Variants in GPR55 observed in about 807,000 individuals in gnomAD.
The protein encoded by GPR55 is G protein-coupled receptor 55.
A neutral mutation model predicts 7.9 loss-of-function variants in GPR55; 6 were observed. The ratio of observed to expected loss-of-function variants is 0.76; its 90% CI spans 0.41 to 1.49. The LOEUF (loss-of-function observed/expected upper bound fraction) is 1.49, where lower values mean the gene tolerates loss of function less well. Ranked by LOEUF, GPR55 falls within the 40% of genes most tolerant of loss-of-function variation. The probability of loss-of-function intolerance (pLI) is 0.01; values close to 1 mark genes in which losing one functional copy is unlikely to be tolerated. For missense variants in GPR55, 376 were observed against 406.0 expected (o/e 0.93, Z 0.63); for synonymous variants, 183 against 166.8 (o/e 1.10, Z -0.75).
At position 230,933,595 on chromosome 2, in the gene GPR55, T is replaced by A. The variant is rs114176980; in HGVS notation, c.-134-22499A>T. 3.8e-3 allele frequency among the ~76,000 whole-genome samples: 583 copies of A among 152,346 alleles called. 1 individual carries two copies. Among genetic ancestry groups the A allele is most frequent in the African/African-American group, 0.013 (549 of 41,580 alleles). ...AAGAAACTAGAGCAACCTCCTTTCA[T>A]GTCCACCCTCAGTCCCCTTAGGCTT... On this transcript the variant is annotated intron_variant, in intron 1 of 1. Coordinates refer to the GPR55 transcript ENST00000392039.
intron 1 of GPR55, among the ~76,000 whole-genome samples, chr2:230,938,685 C>A (rs1322496907): frequency 3.9e-5 from 6 of 152,226 alleles, no homozygotes; most frequent in Non-Finnish European, 7.3e-5. Context: ...GCGGGCAGGG[C>A]AAGGCTGGAG....
chr2:230,958,591 CCTAA>C (rs1327123537), intron 1 of GPR55, among the ~76,000 whole-genome samples: 2 of 152,208 alleles, frequency 1.3e-5, no homozygotes, highest in Admixed American at 6.5e-5. Context: ...TGGTAACCAT[CCTAA>C]CTGTCTACCT....
At chr2:230,953,580 C>T (rs2125070926) in intron 1 of GPR55, among the ~76,000 whole-genome samples, 2 of 152,268 alleles carry the variant, frequency 1.3e-5, no homozygotes, top group Middle Eastern at 6.8e-3. Flanking sequence ...TTGTGTTGGG[C>T]TTCTAACCTA....
chr2:230,948,606 G>A (rs565215747), intron 1 of GPR55, among the ~76,000 whole-genome samples: 7 of 152,208 alleles, frequency 4.6e-5, no homozygotes, highest in Admixed American at 1.3e-4. Context: ...TATATAATTC[G>A]GATTTTTTCA....
chr2:230,921,744 C>A (rs1368770325), intron 1 of GPR55, among the ~76,000 whole-genome samples: 2 of 152,124 alleles, frequency 1.3e-5, no homozygotes, highest in Non-Finnish European at 1.5e-5. Flanking sequence ...TGGGAGTGAC[C>A]ATGGCCAATG....
chr2:230,941,503 C>T (rs1306055239), intron 1 of GPR55, among the ~76,000 whole-genome samples: 1 of 152,218 alleles, frequency 6.6e-6, no homozygotes, highest in East Asian at 1.9e-4. Flanking sequence ...AGCTGTGTGC[C>T]CACCACTTCC....
In GPR55 at chr2:230,909,955, C is replaced by T. The variant is rs779975280; in HGVS notation, c.*48G>A. 2 of 1,562,954 alleles carry T rather than the reference C, an allele frequency of 1.3e-6. No individual in the cohort carries two copies. The highest frequency in any genetic ancestry group is 2.7e-5 in the African/African-American group (2 of 73,108). ...AACCCTGGAACGCGATATCCGTTAC[C>T]AGAATTCAGGGCCAGGGCTTTCTTC... is the stretch of plus-strand genomic sequence containing the variant. On this transcript the variant is annotated 3_prime_UTR_variant, in exon 2 of 2. Transcript: ENST00000650999.
At chr2:230,938,684 G>A (rs1347692857) in intron 1 of GPR55, among the ~76,000 whole-genome samples, 1 of 152,216 alleles carries the variant, frequency 6.6e-6, no homozygotes, top group Non-Finnish European at 1.5e-5. Flanking sequence ...AGCGGGCAGG[G>A]CAAGGCTGGA....
intron 1 of GPR55, among the ~76,000 whole-genome samples, chr2:230,932,723 A>C (rs1188847433): frequency 6.6e-6 from 1 of 152,052 alleles, no homozygotes; most frequent in Non-Finnish European, 1.5e-5. Context: ...GTCATCCTAA[A>C]CCAGGCCTCT....
In GPR55 at chr2:230,924,446, C is replaced by T. The variant is rs1690904352; in HGVS notation, c.-135+722G>A. ...CTCTCAGGGAAGAATCTAGAATGTT[C>T]AGGGTTCTAAGTGCTGCTGTGTCTT... On this transcript the variant is annotated intron_variant, in intron 1 of 1. Transcript: ENST00000650999. This position sits in a 1 kb window ranked among gnomAD's most constrained non-coding sequence, Gnocchi z 4.5. 1 of 152,252 alleles carries T rather than the reference C, an allele frequency of 6.6e-6. No individual in the cohort carries two copies. Among genetic ancestry groups the T allele is most frequent in the Admixed American group, 6.5e-5 (1 of 15,280 alleles). 9.4% of individuals were successfully genotyped at this position (152,252 alleles called of 1,614,324 possible). A position where few individuals can be genotyped will look rare whatever the true frequency, so the allele number is the denominator to read the frequency against.
intron 1 of GPR55, among the ~76,000 whole-genome samples, chr2:230,933,316 C>A (rs577249636): frequency 1.1e-4 from 17 of 152,316 alleles, no homozygotes; most frequent in African/African-American, 4.1e-4. Context: ...TGCCCCATCT[C>A]CCTCCCATCC....
chr2:230,960,726 C>T (rs1691554302), intron 1 of GPR55: 1 of 152,040 alleles, frequency 6.6e-6, no homozygotes. Flanking sequence ...GGCAAAGCAC[C>T]CACCCTAAAA....
intron 1 of GPR55, among the ~76,000 whole-genome samples, chr2:230,936,478 G>T (rs1691134300): frequency 2.0e-5 from 3 of 152,168 alleles, no homozygotes; most frequent in Admixed American, 6.5e-5. Flanking sequence ...GGACATGTTT[G>T]CTTCCCCTTC....
chr2:230,951,701 T>C (rs1024611224), intron 1 of GPR55, among the ~76,000 whole-genome samples: 2 of 152,126 alleles, frequency 1.3e-5, no homozygotes, highest in African/African-American at 4.8e-5. Flanking sequence ...GGGATTTTTT[T>C]CCCTTTCATT....
intron 1 of GPR55, among the ~76,000 whole-genome samples, chr2:230,952,214 G>A (rs1309626754): frequency 9.9e-5 from 15 of 152,250 alleles, no homozygotes; most frequent in South Asian, 2.1e-4. Context: ...GCCTGAGGGC[G>A]GGCGCAGCTT....
chr2:230,940,185 A>G (rs1691203302), intron 1 of GPR55, among the ~76,000 whole-genome samples: 1 of 152,078 alleles, frequency 6.6e-6, no homozygotes, highest in Admixed American at 6.5e-5. Flanking sequence ...ACCAGAGCCC[A>G]GCAGCCAGAT....
At chr2:230,952,143 T>C (rs919572176) in intron 1 of GPR55, among the ~76,000 whole-genome samples, 6 of 152,204 alleles carry the variant, frequency 3.9e-5, no homozygotes, top group Admixed American at 2.0e-4. Context: ...TGAGCTCTCA[T>C]CAGGACATGT....
In GPR55 at chr2:230,923,416, C is replaced by T. The variant is rs1455387986; in HGVS notation, c.-135+1752G>A. ...GATTTGAGGAGCCCTGGAATACTCC[C>T]CCAAAAATGCCGCAGTTAGAATACA... On this transcript the variant is annotated intron_variant, in intron 1 of 1. Coordinates refer to ENST00000650999, the MANE Select transcript of GPR55 (RefSeq NM_005683.4). This position sits in a 1 kb window ranked among gnomAD's most constrained non-coding sequence, Gnocchi z 4.1. Among the ~76,000 whole-genome samples, 2 of 152,190 alleles carry T rather than the reference C, an allele frequency of 1.3e-5. No individual in the cohort carries two copies. Among genetic ancestry groups the T allele is most frequent in the African/African-American group, 4.8e-5 (2 of 41,438 alleles).
rs1992188 is a variant in GPR55 at position 230,907,721 on chromosome 2, G to T, written c.*2282C>A. The T allele has an allele frequency of 0.49, 73,819 of 152,182 alleles. 21,794 individuals carry two copies. Among genetic ancestry groups the T allele is most frequent in the African/African-American group, 0.85 (35,112 of 41,476 alleles). The allele number at this position is 152,182 out of a possible 1,614,324, so 9.4% of individuals were successfully genotyped here. ...TCCCCGTCCCTCCCTACATGATCAG[G>T]TCCTCTCAGCTGTCTAGAGCCCTTT... On this transcript the variant is annotated 3_prime_UTR_variant, in exon 2 of 2. Coordinates refer to ENST00000650999, the MANE Select transcript of GPR55 (RefSeq NM_005683.4).
Sources: gnomAD v4.1 joint callset for allele counts (sites outside exome capture counted in the v4.1 genomes callset) on GRCh38, gnomAD v4.1.1 for gene constraint, Gnocchi (gnomAD v3.1) non-coding constraint, MANE v1.5 for transcripts, NCBI Gene and HGNC (gene_info 2026-07-23, HGNC 2026-07-21) for gene names.